SH3TC1: variants seen among roughly 807,000 people sequenced by gnomAD.
SH3TC1 encodes SH3 domain and tetratricopeptide repeat-containing protein 1.
Under a neutral mutation model 117.3 loss-of-function variants are expected in SH3TC1, and 135 were observed. That is an observed-to-expected ratio of 1.15 (90% confidence interval 1.00 to 1.33). SH3TC1 has a LOEUF of 1.33. Among genes scored for constraint, SH3TC1 ranks in the 40% most tolerant of loss-of-function variants. The pLI, the probability that SH3TC1 is intolerant of heterozygous loss-of-function variation, is 0.00. For synonymous variants in SH3TC1, 898 were observed against 816.9 expected (o/e 1.10, Z -1.69); for missense variants, 2,092 against 1,794.3 (o/e 1.17, Z -3.00).
At chr4:8,240,658 C>G (rs770907505) in intron 17 of SH3TC1, 40 bp from the exon 18 acceptor site, 5 of 1,610,790 alleles carry the variant, frequency 3.1e-6, no homozygotes, top group Non-Finnish European at 4.2e-6. Flanking sequence ...GAGACTGGCT[C>G]CGAGTCCCCC....
Position 8,185,545 on chromosome 4 carries a change from C to T in SH3TC1, c.-57+3335C>T, listed in dbSNP as rs377209851. Among the ~76,000 whole-genome samples, 355 of 152,198 alleles carry T rather than the reference C, an allele frequency of 2.3e-3. 3 individuals carry two copies. Among genetic ancestry groups the T allele is most frequent in the African/African-American group, 8.1e-3 (337 of 41,524 alleles). Reference sequence around the variant, plus strand: ...TTCTTTTCACAAGTGCAAACAGATGCGAACGCATCCTAACCCCACTTTCAG... The same window carrying T: ...TTCTTTTCACAAGTGCAAACAGATGTGAACGCATCCTAACCCCACTTTCAG... On this transcript the variant is annotated intron_variant, in intron 1 of 16. Coordinates refer to the SH3TC1 transcript ENST00000508641.
chr4:8,195,085 G>T (rs1414155882), upstream of SH3TC1, among the ~76,000 whole-genome samples: 7 of 152,140 alleles, frequency 4.6e-5, no homozygotes, highest in Non-Finnish European at 8.8e-5. Context: ...TCACCAGCAG[G>T]CATCAGGAGA....
rs576923967 is a variant in SH3TC1, at chr4:8,227,065, A to C, written c.1371A>C (p.Pro457=). ...TTCTGGAACAATGCAAGACCTGCCCAGGCTGCCCCCAGGAGCCAGCGTCCT... is the reference window on the plus strand; with the variant it reads ...TTCTGGAACAATGCAAGACCTGCCCCGGCTGCCCCCAGGAGCCAGCGTCCT... ...KNVLEQCKTC[P]GCPQEPASWG... Residue 457 remains proline, a synonymous_variant, in exon 12 of 18, where the codon CCA becomes CCC. Coordinates refer to ENST00000245105, the MANE Select transcript of SH3TC1 (RefSeq NM_018986.5). 1.2e-6 allele frequency: 2 copies of C among 1,609,088 alleles called. No individual in the cohort carries two copies. Among genetic ancestry groups the C allele is most frequent in the South Asian group, 2.2e-5 (2 of 90,712 alleles).
intron 16 of SH3TC1, chr4:8,237,237 T>C (rs1037927980): frequency 2.3e-6 from 1 of 427,090 alleles, no homozygotes; most frequent in South Asian, 7.0e-5. Context: ...GGTGGCTATA[T>C]GTAGGCACAG....
In SH3TC1 at chr4:8,241,012, T is replaced by C; in HGVS notation, c.*57T>C. ...AGGGCTGGGGGTCTCCTGCCTCTCC[T>C]GGTGTCGCCGGTGGCTCATTTTCTG... On this transcript the variant is annotated 3_prime_UTR_variant, in exon 18 of 18. Coordinates refer to ENST00000245105, the MANE Select transcript of SH3TC1 (RefSeq NM_018986.5). The C allele has an allele frequency of 6.3e-7, 1 of 1,579,414 alleles. No individual in the cohort carries two copies. The highest frequency in any genetic ancestry group is 8.6e-7 in the Non-Finnish European group (1 of 1,164,290).
intron 11 of SH3TC1, 65 bp from the exon 12 acceptor site, chr4:8,226,915 G>A (rs1720503279): frequency 7.9e-7 from 1 of 1,258,192 alleles, no homozygotes; most frequent in Non-Finnish European, 1.1e-6. Context: ...AGGGGACCCT[G>A]CCCCCAGTGG....
rs931242856 is a variant in SH3TC1 at position 8,216,891 on chromosome 4, TGGG to T, written c.629-62_629-60del. On this transcript the variant is annotated intron_variant, in intron 6 of 17. Coordinates refer to ENST00000245105, the MANE Select transcript of SH3TC1 (RefSeq NM_018986.5). ...CTTCGTTGTCTGTCCGGCAGGGGTG[TGGG>T]GGGCAGGGCCACAGCTGCGCCCAGT... is the stretch of plus-strand genomic sequence containing the variant. 24 of 1,531,246 alleles carry T rather than the reference TGGG, an allele frequency of 1.6e-5. No individual in the cohort carries two copies. In the Admixed American group the frequency reaches 4.0e-4, roughly 26 times the overall value. 94.9% of individuals were successfully genotyped at this position (1,531,246 alleles called of 1,614,324 possible). A position where few individuals can be genotyped will look rare whatever the true frequency, so the allele number is the denominator to read the frequency against.
chr4:8,212,735 G>T lies in SH3TC1; in HGVS notation c.282G>T (p.Lys94Asn). 4.3e-6 allele frequency: 7 copies of T among 1,612,990 alleles called. No individual in the cohort carries two copies. The highest frequency in any genetic ancestry group is 5.9e-6 in the Non-Finnish European group (7 of 1,179,960). ...TGCAGCTGCTGGCTGTGCGGAGGAAGAGCAGACTGCGGGACCCCGGCCTAC... is the reference window on the plus strand; with the variant it reads ...TGCAGCTGCTGGCTGTGCGGAGGAATAGCAGACTGCGGGACCCCGGCCTAC... ...LTLQLLAVRR[K>N]SRLRDPGLQQ... The change falls in exon 4 of 18, where the codon AAG (lysine) becomes AAT (asparagine). Residue 94 changes from lysine to asparagine, a missense_variant. Lys to Asn is a moderately conservative substitution (Grantham distance 94). Transcript: ENST00000245105.
chr4:8,191,600 T>C (rs1328420802), intron 1 of SH3TC1, among the ~76,000 whole-genome samples: 1 of 152,242 alleles, frequency 6.6e-6, no homozygotes, highest in African/African-American at 2.4e-5. Flanking sequence ...TGACTCATCA[T>C]GCTACCATTC....
chr4:8,212,507 G>C (rs1252787044), intron 3 of SH3TC1, among the ~76,000 whole-genome samples, 194 bp from the exon 4 acceptor site: 1 of 152,212 alleles, frequency 6.6e-6, no homozygotes, highest in Non-Finnish European at 1.5e-5. Flanking sequence ...CTGGGAGCTA[G>C]GCAGTGGTCC....
At position 8,190,303 on chromosome 4, in the gene SH3TC1, G is replaced by A. The variant is rs997972131; in HGVS notation, c.-57+8093G>A. ...CTTCACTCCTTCGGCGGAGTTGGGG[G>A]ACTGTGTGCTTGGGTTGGGTTAATG... On this transcript the variant is annotated intron_variant, in intron 1 of 16. Transcript: ENST00000508641. This position sits in a 1 kb window ranked among gnomAD's most constrained non-coding sequence, Gnocchi z 4.7. Among the ~76,000 whole-genome samples, 5 of 152,204 alleles carry A rather than the reference G, an allele frequency of 3.3e-5. No homozygotes were observed. Among genetic ancestry groups the A allele is most frequent in the Admixed American group, 2.6e-4 (4 of 15,286 alleles).
At position 8,183,621 on chromosome 4, in the gene SH3TC1, C is replaced by T. The variant is rs1419185659; in HGVS notation, c.-57+1411C>T. Among the ~76,000 whole-genome samples the T allele has an allele frequency of 6.6e-6, 1 of 152,218 alleles. No individual in the cohort carries two copies. The highest frequency in any genetic ancestry group is 2.4e-5 in the African/African-American group (1 of 41,444). ...TGTTTTTCTTTTAATAGACTGAATTCTTTGGAATCCTCTTAGATTTACAAA... is the reference window on the plus strand; with the variant it reads ...TGTTTTTCTTTTAATAGACTGAATTTTTTGGAATCCTCTTAGATTTACAAA... On this transcript the variant is annotated intron_variant, in intron 1 of 16. Transcript: ENST00000508641. The surrounding 1 kb of genome is among the most constrained non-coding windows in gnomAD (Gnocchi z 5.4).
chr4:8,215,188 C>T (rs749132654), intron 5 of SH3TC1: 2 of 456,282 alleles, frequency 4.4e-6, no homozygotes, highest in South Asian at 3.1e-5. Flanking sequence ...AGGGAAGCTG[C>T]CGTCCAGTGG....
chr4:8,209,961 AGAAG>A lies in SH3TC1; in HGVS notation c.247+141_247+144del, dbSNP rs1718509040. The A allele has an allele frequency of 3.2e-6, 3 of 927,430 alleles. No homozygotes were observed. The highest frequency in any genetic ancestry group is 4.8e-6 in the Non-Finnish European group (3 of 622,316). 57.5% of individuals were successfully genotyped at this position (927,430 alleles called of 1,614,324 possible). A position where few individuals can be genotyped will look rare whatever the true frequency, so the allele number is the denominator to read the frequency against. On this transcript the variant is annotated intron_variant, in intron 3 of 17. Coordinates refer to ENST00000245105, the MANE Select transcript of SH3TC1 (RefSeq NM_018986.5). The surrounding 1 kb of genome is among the most constrained non-coding windows in gnomAD (Gnocchi z 5.9). ...CCTTAAAATCATGATGGGAATAGAAAGAAGGGTTTGTTAAATGCGCATGCCCAGG... is the reference window on the plus strand; with the variant it reads ...CCTTAAAATCATGATGGGAATAGAAAGGTTTGTTAAATGCGCATGCCCAGG...
intron 1 of SH3TC1, among the ~76,000 whole-genome samples, chr4:8,185,512 C>T (rs1224598764): frequency 6.6e-6 from 1 of 152,108 alleles, no homozygotes; most frequent in Non-Finnish European, 1.5e-5. Context: ...CATTCATCCT[C>T]CTGCGGTTTC....
intron 17 of SH3TC1, among the ~76,000 whole-genome samples, chr4:8,238,080 G>T (rs1451496585): frequency 6.6e-6 from 1 of 152,198 alleles, no homozygotes; most frequent in East Asian, 1.9e-4. Flanking sequence ...AATCCATGTT[G>T]CAACATCCAA....
At chr4:8,202,333 C>A (rs1717893275) in intron 1 of SH3TC1, among the ~76,000 whole-genome samples, 1 of 152,216 alleles carries the variant, frequency 6.6e-6, no homozygotes, top group South Asian at 2.1e-4. Flanking sequence ...AGGGTGAAGG[C>A]CCCAGGCTGC....
chr4:8,232,686 C>T (rs1721353657), intron 13 of SH3TC1: 2 of 1,290,734 alleles, frequency 1.5e-6, no homozygotes, highest in Middle Eastern at 2.1e-4. Flanking sequence ...GTAACCATGG[C>T]CCTGGCCACC....
At chr4:8,239,525 GGCACACACACAGACAT>G (rs928063877) in intron 17 of SH3TC1, among the ~76,000 whole-genome samples, 1 of 146,450 alleles carries the variant, frequency 6.8e-6, no homozygotes. Context: ...CATGCACACA[GGCACACACACAGACAT>G]GCACACACAC....
Sources: allele counts gnomAD v4.1 joint callset (sites outside exome capture counted in the v4.1 genomes callset), GRCh38; gene constraint gnomAD v4.1.1; non-coding constraint Gnocchi (gnomAD v3.1); transcripts MANE v1.5; gene names NCBI Gene and HGNC (gene_info 2026-07-23, HGNC 2026-07-21).